The following ARHGAP18 variants were observed in gnomAD, a reference collection of about 807,000 sequenced individuals.
The protein encoded by ARHGAP18 is rho GTPase-activating protein 18.
Under a neutral mutation model 86.2 loss-of-function variants are expected in ARHGAP18, and 67 were observed. The ratio of observed to expected loss-of-function variants is 0.78; its 90% CI spans 0.64 to 0.95. ARHGAP18 has a LOEUF of 0.95. Among genes scored for constraint, ARHGAP18 ranks in the 40% least tolerant of loss-of-function variants. The probability of loss-of-function intolerance (pLI) is 0.00; values close to 1 mark genes in which losing one functional copy is unlikely to be tolerated. For synonymous variants in ARHGAP18, 283 were observed against 280.4 expected (o/e 1.01, Z -0.09); for missense variants, 691 against 780.4 (o/e 0.89, Z 1.37).
intron 6 of ARHGAP18, among the ~76,000 whole-genome samples, chr6:129,616,838 C>A (rs1789109331): frequency 6.6e-6 from 1 of 152,072 alleles, no homozygotes; most frequent in Admixed American, 6.6e-5. Flanking sequence ...CTCCTATAGT[C>A]CCAGCTACTT....
rs1562696061 is a variant in ARHGAP18, at chr6:129,625,043, AATATATATGATT to A, written c.786+4298_786+4309del. ...TATGATATATGATATATATTTATAT[AATATATATGATT>A]GATATATATTTATATATAATATATA... On this transcript the variant is annotated intron_variant, in intron 5 of 14. Transcript: ENST00000368149. 2.5e-4 allele frequency among the ~76,000 whole-genome samples: 20 copies of A among 80,312 alleles called. 1 individual carries two copies. The highest frequency in any genetic ancestry group is 2.2e-3 in the South Asian group (7 of 3,246). 52.7% of individuals were successfully genotyped at this position (80,312 alleles called of 152,430 possible).
chr6:129,668,021 C>T (rs1774073587), intron 1 of ARHGAP18, among the ~76,000 whole-genome samples: 1 of 152,152 alleles, frequency 6.6e-6, no homozygotes. Context: ...AACTCTTTCT[C>T]CCTCTGTATG....
At chr6:129,622,177 G>A (rs1257980905) in intron 5 of ARHGAP18, among the ~76,000 whole-genome samples, 2 of 152,130 alleles carry the variant, frequency 1.3e-5, no homozygotes, top group African/African-American at 4.8e-5. Context: ...AACTCAATGA[G>A]GTGGAGGGCC....
At chr6:129,638,293 T>C (rs758843351) in intron 3 of ARHGAP18, 101 bp downstream of exon 3, 46 of 1,169,282 alleles carry the variant, frequency 3.9e-5, no homozygotes, top group Non-Finnish European at 5.6e-5. Context: ...TGGCATAGAA[T>C]AGGTGATCAT....
rs1476232944 is a variant in ARHGAP18 at position 129,625,371 on chromosome 6, ATATAT to A, written c.786+3977_786+3981del. ...TGTAATATATATTATGTATATTTAT[ATATAT>A]TATATATTATATATTTATACATATG... On this transcript the variant is annotated intron_variant, in intron 5 of 14. Transcript: ENST00000368149. Among the ~76,000 whole-genome samples the A allele has an allele frequency of 4.5e-4, 37 of 82,252 alleles. 2 individuals carry two copies. The highest frequency in any genetic ancestry group is 2.1e-3 in the African/African-American group (36 of 16,862). 54.0% of individuals were successfully genotyped at this position (82,252 alleles called of 152,430 possible). A position where few individuals can be genotyped will look rare whatever the true frequency, so the allele number is the denominator to read the frequency against.
chr6:129,670,314 A>T (rs187220437), intron 1 of ARHGAP18, among the ~76,000 whole-genome samples: 1 of 152,314 alleles, frequency 6.6e-6, no homozygotes, highest in African/African-American at 2.4e-5. Context: ...TGACATTCCC[A>T]CTTTCTTATA....
chr6:129,589,594 T>A (rs969206740), intron 12 of ARHGAP18, among the ~76,000 whole-genome samples: 7 of 152,186 alleles, frequency 4.6e-5, no homozygotes, highest in African/African-American at 1.4e-4. Context: ...CATTTTCTTA[T>A]CTTCTTCTGA....
chr6:129,674,143 TCATTATTATAAC>T (rs1352688455), intron 1 of ARHGAP18, among the ~76,000 whole-genome samples: 1 of 152,262 alleles, frequency 6.6e-6, no homozygotes, highest in Admixed American at 6.5e-5. Flanking sequence ...ATTAAAATTC[TCATTATTATAAC>T]CACCTGGTAT....
At chr6:129,657,781 G>A (rs1773869404) in intron 1 of ARHGAP18, among the ~76,000 whole-genome samples, 1 of 152,182 alleles carries the variant, frequency 6.6e-6, no homozygotes. Context: ...AACAGTTTTT[G>A]CATAATTCAT....
chr6:129,580,733 T>C (rs910343433), intron 13 of ARHGAP18, among the ~76,000 whole-genome samples: 1 of 151,920 alleles, frequency 6.6e-6, no homozygotes, highest in Non-Finnish European at 1.5e-5. Flanking sequence ...AATTTAGCCG[T>C]GCATGGTGGT....
intron 1 of ARHGAP18, among the ~76,000 whole-genome samples, chr6:129,684,085 G>C (rs1774383791): frequency 6.6e-6 from 1 of 152,194 alleles, no homozygotes; most frequent in Non-Finnish European, 1.5e-5. Flanking sequence ...CTTAGTAAGA[G>C]CTCCTTGAGC....
chr6:129,601,077 A>G (rs1324296073), intron 10 of ARHGAP18, among the ~76,000 whole-genome samples: 3 of 152,190 alleles, frequency 2.0e-5, no homozygotes, highest in Non-Finnish European at 4.4e-5. Context: ...TGAAGCAGAG[A>G]TGGCACATAG....
intron 4 of ARHGAP18, among the ~76,000 whole-genome samples, chr6:129,632,002 A>G (rs907925201): frequency 3.3e-5 from 5 of 152,210 alleles, no homozygotes; most frequent in Non-Finnish European, 5.9e-5. Context: ...TTCATTTAGA[A>G]TAAGTATCAT....
intron 12 of ARHGAP18, among the ~76,000 whole-genome samples, chr6:129,594,723 T>C (rs1788581856): frequency 6.6e-6 from 1 of 152,188 alleles, no homozygotes; most frequent in Admixed American, 6.5e-5. Context: ...GATTCCCTTC[T>C]TCTTCCACAT....
chr6:129,601,211 C>T (rs754392577), intron 10 of ARHGAP18, among the ~76,000 whole-genome samples: 8 of 152,214 alleles, frequency 5.3e-5, no homozygotes, highest in Non-Finnish European at 1.2e-4. Flanking sequence ...AAATGCTGTA[C>T]TTTCCTATGT....
intron 1 of ARHGAP18, among the ~76,000 whole-genome samples, chr6:129,657,591 C>T (rs544002140): frequency 9.7e-4 from 148 of 152,292 alleles, no homozygotes; most frequent in Non-Finnish European, 1.9e-3. Context: ...CAACCATCTG[C>T]ATCGCAAAAT....
At chr6:129,614,983 C>A (rs1184587075) in intron 7 of ARHGAP18, among the ~76,000 whole-genome samples, 1 of 152,106 alleles carries the variant, frequency 6.6e-6, no homozygotes, top group Non-Finnish European at 1.5e-5. Context: ...AGCTTCCAGT[C>A]TGCTAGCCTG....
At chr6:129,625,373 ATAT>A (rs1165860064) in intron 5 of ARHGAP18, among the ~76,000 whole-genome samples, 1 of 82,332 alleles carries the variant, frequency 1.2e-5, no homozygotes, top group Non-Finnish European at 2.0e-5. Flanking sequence ...ATATTTATAT[ATAT>A]TATATATTAT....
intron 2 of ARHGAP18, among the ~76,000 whole-genome samples, chr6:129,640,606 C>T (rs1045456510): frequency 1.3e-5 from 2 of 151,994 alleles, no homozygotes; most frequent in Non-Finnish European, 2.9e-5. Context: ...AGAAAAAACC[C>T]CAAGTCTTCT....
Sources: gnomAD v4.1 joint callset for allele counts (sites outside exome capture counted in the v4.1 genomes callset) on GRCh38, gnomAD v4.1.1 for gene constraint, MANE v1.5 for transcripts, NCBI Gene and HGNC (gene_info 2026-07-23, HGNC 2026-07-21) for gene names.